Variants in SLC44A5 observed in about 807,000 individuals in gnomAD.
SLC44A5 encodes choline transporter-like protein 5.
In SLC44A5, 57 loss-of-function variants were observed where a neutral mutation model predicts 101.8. The observed-to-expected ratio is 0.56, with a 90% CI of 0.45 to 0.70. SLC44A5 has a LOEUF of 0.70. SLC44A5 is among the 30% of genes least tolerant of loss of function. SLC44A5 has a pLI of 0.00. For missense variants in SLC44A5, 737 were observed against 853.1 expected, an observed-to-expected ratio of 0.86 and a Z score of 1.70; for synonymous variants, 281 against 290.9, an observed-to-expected ratio of 0.97 and a Z score of 0.35.
At chr1:75,390,056 T>G (rs1247463003) in intron 3 of SLC44A5, among the ~76,000 whole-genome samples, 1 of 151,802 alleles carries the variant, frequency 6.6e-6, no homozygotes, top group African/African-American at 2.4e-5. Flanking sequence ...CTAAACAAAC[T>G]AAAAAATCTA....
At position 75,416,107 on chromosome 1, in the gene SLC44A5, C is replaced by T. The variant is rs751646391; in HGVS notation, c.14-19486G>A. Reference sequence around the variant, plus strand: ...CCCAAGACAATGGGGAAAATGTCACCAGGGCATGTCAGAAGTCTTCATGGC... The same window carrying T: ...CCCAAGACAATGGGGAAAATGTCACTAGGGCATGTCAGAAGTCTTCATGGC... On this transcript the variant is annotated intron_variant, in intron 2 of 23. Coordinates refer to ENST00000370859, the MANE Select transcript of SLC44A5 (RefSeq NM_001130058.2). Among the ~76,000 whole-genome samples, 3 of 152,226 alleles carry T rather than the reference C, an allele frequency of 2.0e-5. No individual in the cohort carries two copies. In the South Asian group the frequency reaches 6.2e-4, roughly 32 times the overall value.
chr1:75,677,908 C>G, the SLC44A5 span: 1 of 274,860 alleles, frequency 3.6e-6, no homozygotes, highest in Non-Finnish European at 7.1e-6. Flanking sequence ...GGTGCACGCA[C>G]CGTGCACGAG....
chr1:75,269,762 A>G (rs543788858), intron 6 of SLC44A5, among the ~76,000 whole-genome samples: 2 of 152,286 alleles, frequency 1.3e-5, no homozygotes, highest in East Asian at 3.9e-4. Context: ...ACATTGTTAT[A>G]ATAATGTTAC....
chr1:75,706,473 C>G, the SLC44A5 span, among the ~76,000 whole-genome samples: 1 of 151,992 alleles, frequency 6.6e-6, no homozygotes. Flanking sequence ...TGTTGTTAAT[C>G]TATATTATTA....
chr1:75,464,011 A>G (rs1236509104), intron 2 of SLC44A5, among the ~76,000 whole-genome samples: 1 of 152,138 alleles, frequency 6.6e-6, no homozygotes, highest in Non-Finnish European at 1.5e-5. Context: ...TTATGAGGTC[A>G]GGAAATCAAG....
intron 2 of SLC44A5, among the ~76,000 whole-genome samples, chr1:75,413,745 T>C (rs1663433294): frequency 6.6e-6 from 1 of 152,210 alleles, no homozygotes; most frequent in African/African-American, 2.4e-5. Context: ...AGCCAAGTCT[T>C]TGGGCTAATG....
rs544579975 is a variant in SLC44A5 at position 75,230,763 on chromosome 1, T to C, written c.854-2906A>G. Among the ~76,000 whole-genome samples the C allele has an allele frequency of 1.6e-3, 249 of 152,158 alleles. 1 individual carries two copies. Among genetic ancestry groups the C allele is most frequent in the African/African-American group, 5.7e-3 (236 of 41,522 alleles). ...TCCCAAGTAGCTGGGACTACAGGTA[T>C]GCACCATCATGCCCAGCTAATTTTT... On this transcript the variant is annotated intron_variant, in intron 12 of 23. Transcript: ENST00000370859.
chr1:75,678,241 G>C, the SLC44A5 span, among the ~76,000 whole-genome samples: 1 of 152,150 alleles, frequency 6.6e-6, no homozygotes, highest in Non-Finnish European at 1.5e-5. Flanking sequence ...AGGGAAGCTC[G>C]AACTGGGTGG....
At chr1:75,384,414 C>T (rs1435125133) in intron 3 of SLC44A5, among the ~76,000 whole-genome samples, 2 of 138,208 alleles carry the variant, frequency 1.4e-5, no homozygotes, top group African/African-American at 2.7e-5. Flanking sequence ...ATCCTAGTCT[C>T]TGATAAAACA....
intron 4 of SLC44A5, among the ~76,000 whole-genome samples, chr1:75,318,429 A>G (rs1479266153): frequency 7.2e-6 from 1 of 138,430 alleles, no homozygotes; most frequent in East Asian, 2.1e-4. Context: ...GAAAGAAAGA[A>G]AGAAATCTGC....
chr1:75,332,468 T>C (rs1176028357), intron 4 of SLC44A5, among the ~76,000 whole-genome samples: 1 of 152,216 alleles, frequency 6.6e-6, no homozygotes, highest in Non-Finnish European at 1.5e-5. Flanking sequence ...GAATGTTCTA[T>C]AGTTGTCCTT....
At chr1:75,471,967 G>A (rs1402046364) in intron 2 of SLC44A5, among the ~76,000 whole-genome samples, 1 of 150,634 alleles carries the variant, frequency 6.6e-6, no homozygotes, top group Admixed American at 6.7e-5. Flanking sequence ...AGCCATGGAA[G>A]GAACTCTCAG....
At chr1:75,389,932 A>C (rs1249828) in intron 3 of SLC44A5, among the ~76,000 whole-genome samples, 77,837 of 151,948 alleles carry the variant, frequency 0.51, 21,769 homozygotes, top group East Asian at 0.94. Context: ...CTAGATTAAA[A>C]AAGAAAAAAA....
chr1:75,692,298 A>C, the SLC44A5 span, among the ~76,000 whole-genome samples: 1 of 144,466 alleles, frequency 6.9e-6, no homozygotes, highest in Admixed American at 7.3e-5. Context: ...GGCTCAAGTG[A>C]TTCTCCTGCC....
At chr1:75,422,914 A>T (rs1416738734) in intron 2 of SLC44A5, among the ~76,000 whole-genome samples, 1 of 152,204 alleles carries the variant, frequency 6.6e-6, no homozygotes, top group Non-Finnish European at 1.5e-5. Context: ...CTCAGACTTA[A>T]CAGAAGCCAG....
intron 6 of SLC44A5, among the ~76,000 whole-genome samples, chr1:75,252,666 A>C (rs1649681576): frequency 1.3e-5 from 2 of 152,226 alleles, no homozygotes; most frequent in South Asian, 4.1e-4. Context: ...TTTTCAATTG[A>C]ATGTCTCTTA....
intron 3 of SLC44A5, among the ~76,000 whole-genome samples, chr1:75,385,299 A>G (rs1466501414): frequency 6.7e-6 from 1 of 148,236 alleles, no homozygotes; most frequent in Non-Finnish European, 1.5e-5. Context: ...AACAAAATTG[A>G]TAGACCGCTA....
chr1:75,289,457 T>C (rs999218877), intron 5 of SLC44A5, among the ~76,000 whole-genome samples: 1 of 152,198 alleles, frequency 6.6e-6, no homozygotes, highest in Admixed American at 6.5e-5. Context: ...TAAAGGGTAC[T>C]ATTTGGTCCA....
rs566440021 is a variant in SLC44A5, at chr1:75,569,238, C to CTTT, written c.-69-27725_-69-27723dup. On this transcript the variant is annotated intron_variant, in intron 1 of 23. Transcript: ENST00000370859. Reference sequence around the variant, plus strand: ...AGCCCAATGACACATTCATCTCTACCTTTTTTTTTTTTTTTTTTTTGAGAC... The same window carrying CTTT: ...AGCCCAATGACACATTCATCTCTACCTTTTTTTTTTTTTTTTTTTTTTTGAGAC... 8.3e-3 allele frequency among the ~76,000 whole-genome samples: 936 copies of CTTT among 112,832 alleles called. 26 individuals are homozygous for CTTT. The highest frequency in any genetic ancestry group is 0.023 in the African/African-American group (680 of 29,952). The allele number at this position is 112,832 out of a possible 152,430, so 74.0% of individuals were successfully genotyped here.
Sources: gnomAD v4.1 joint callset for allele counts (sites outside exome capture counted in the v4.1 genomes callset) on GRCh38, gnomAD v4.1.1 for gene constraint, MANE v1.5 for transcripts, NCBI Gene and HGNC (gene_info 2026-07-23, HGNC 2026-07-21) for gene names.